NRG1: variants seen among roughly 807,000 people sequenced by gnomAD.
The protein encoded by NRG1 is pro-neuregulin-1, membrane-bound isoform.
NRG1 carries 18 observed loss-of-function variants against 63.8 expected under a neutral mutation model. That is an observed-to-expected ratio of 0.28 (90% CI 0.19 to 0.42). The LOEUF is 0.42. NRG1 is among the 10% of genes least tolerant of loss of function. The pLI, the probability that NRG1 is intolerant of heterozygous loss-of-function variation, is 1.00. For missense variants in NRG1, 762 were observed against 814.7 expected (o/e 0.94, Z 0.79); for synonymous variants, 302 against 301.3 (o/e 1.00, Z -0.02).
intron 2 of NRG1, among the ~76,000 whole-genome samples, 185 bp downstream of exon 2, chr8:32,596,190 A>G (rs1843330274): frequency 6.6e-6 from 1 of 152,222 alleles, no homozygotes; most frequent in African/African-American, 2.4e-5. Flanking sequence ...TGGTTCTTAC[A>G]TCTTATTGAT....
At chr8:31,835,088 A>G (rs1487080970) in intron 1 of NRG1, among the ~76,000 whole-genome samples, 1 of 152,232 alleles carries the variant, frequency 6.6e-6, no homozygotes, top group African/African-American at 2.4e-5. Flanking sequence ...AATGTTTAAT[A>G]GAGCATTTTT....
chr8:32,534,380 C>G (rs1831752697), intron 1 of NRG1, among the ~76,000 whole-genome samples: 1 of 152,088 alleles, frequency 6.6e-6, no homozygotes, highest in African/African-American at 2.4e-5. Flanking sequence ...CTCCTTCAAA[C>G]AGGATTAAAT....
intron 1 of NRG1, among the ~76,000 whole-genome samples, chr8:31,951,587 T>A (rs779419056): frequency 1.1e-3 from 173 of 152,352 alleles, no homozygotes; most frequent in Non-Finnish European, 2.2e-3. Context: ...AGATTTATAA[T>A]GTCAGGAGCT....
At chr8:32,336,224 T>C (rs1268401326) in intron 1 of NRG1, among the ~76,000 whole-genome samples, 7 of 152,194 alleles carry the variant, frequency 4.6e-5, no homozygotes, top group Non-Finnish European at 2.9e-5. Context: ...TTTTGTAAAT[T>C]TGTCCATCAT....
At chr8:32,080,764 CGTGTGTGTGTGTGTGTGTGT>C (rs3084557) in intron 1 of NRG1, among the ~76,000 whole-genome samples, 5 of 148,728 alleles carry the variant, frequency 3.4e-5, no homozygotes, top group African/African-American at 5.0e-5. Context: ...TGTGTGTGTG[CGTGTGTGTGTGTGTGTGTGT>C]GTGTGTGTGT....
At chr8:31,818,503 A>C (rs1823669436) in intron 1 of NRG1, among the ~76,000 whole-genome samples, 1 of 152,112 alleles carries the variant, frequency 6.6e-6, no homozygotes, top group African/African-American at 2.4e-5. Context: ...TGGTTTAGGG[A>C]TGAAACCGTT....
chr8:31,798,215 A>G (rs1821421737), intron 1 of NRG1, among the ~76,000 whole-genome samples: 1 of 152,196 alleles, frequency 6.6e-6, no homozygotes, highest in Non-Finnish European at 1.5e-5. Context: ...AAGGTTTTCA[A>G]TATTCGCAAC....
In NRG1 at chr8:32,358,368, G is replaced by GA. The variant is rs34976612; in HGVS notation, c.38-237437dup. The stretch of plus-strand genomic sequence containing the variant: ...GATCAACCGATAGAATGCCATTTAT[G>GA]AAAAAAAAAAAAAAAAAAAAAAACC... On this transcript the variant is annotated intron_variant, in intron 1 of 10. Transcript: ENST00000519301. Among the ~76,000 whole-genome samples, 691 of 98,958 alleles carry GA rather than the reference G, an allele frequency of 7.0e-3. 22 individuals are homozygous for GA. The highest frequency in any genetic ancestry group is 0.062 in the Admixed American group (547 of 8,768). The allele number at this position is 98,958 out of a possible 152,430, so 64.9% of individuals were successfully genotyped here.
At chr8:31,987,070 C>T (rs1841802) in intron 1 of NRG1, among the ~76,000 whole-genome samples, 100,092 of 151,822 alleles carry the variant, frequency 0.66, 36,300 homozygotes, top group Non-Finnish European at 0.82. Flanking sequence ...GAGGCTGAGG[C>T]GGGCAGATCA....
At chr8:32,067,661 T>C (rs1825079348) in intron 1 of NRG1, among the ~76,000 whole-genome samples, 1 of 152,152 alleles carries the variant, frequency 6.6e-6, no homozygotes, top group Admixed American at 6.6e-5. Context: ...ACCAAGCATT[T>C]GACTTTTGGA....
At chr8:32,102,862 T>C (rs970123051) in intron 1 of NRG1, among the ~76,000 whole-genome samples, 10 of 152,278 alleles carry the variant, frequency 6.6e-5, no homozygotes, top group Middle Eastern at 3.4e-3. Flanking sequence ...ACAATTACAA[T>C]GTCTTGGTGG....
intron 3 of NRG1, among the ~76,000 whole-genome samples, chr8:32,606,457 G>T (rs1198016141): frequency 2.6e-5 from 4 of 151,846 alleles, no homozygotes; most frequent in African/African-American, 9.7e-5. Flanking sequence ...TGACTTAGAG[G>T]TAAGAAATAC....
intron 1 of NRG1, among the ~76,000 whole-genome samples, chr8:32,448,656 T>C (rs778235398): frequency 5.3e-5 from 8 of 150,362 alleles, no homozygotes; most frequent in Non-Finnish European, 7.4e-5. Flanking sequence ...ACCCACATCC[T>C]ACGTCAATTA....
chr8:32,011,593 T>C (rs1159717327), intron 1 of NRG1, among the ~76,000 whole-genome samples: 2 of 152,108 alleles, frequency 1.3e-5, no homozygotes, highest in African/African-American at 4.8e-5. Context: ...TACCTTGCAA[T>C]CAAAATGGCT....
intron 1 of NRG1, among the ~76,000 whole-genome samples, chr8:32,007,027 A>G (rs1460506388): frequency 2.0e-5 from 3 of 152,064 alleles, no homozygotes; most frequent in African/African-American, 7.2e-5. Context: ...TTGATATTTC[A>G]GAGTGCCAGG....
intron 1 of NRG1, among the ~76,000 whole-genome samples, chr8:32,581,404 A>G (rs1051130843): frequency 1.3e-5 from 2 of 152,226 alleles, no homozygotes; most frequent in African/African-American, 4.8e-5. Context: ...GTTTTTACAT[A>G]AATCCTGTGC....
chr8:32,214,898 T>C (rs545425180), intron 1 of NRG1, among the ~76,000 whole-genome samples: 1 of 152,314 alleles, frequency 6.6e-6, no homozygotes, highest in South Asian at 2.1e-4. Context: ...GAAAAATGCA[T>C]GGAAATTATG....
At chr8:31,710,334 A>C (rs1254944237) in intron 1 of NRG1, among the ~76,000 whole-genome samples, 1 of 151,906 alleles carries the variant, frequency 6.6e-6, no homozygotes, top group Admixed American at 6.6e-5. Flanking sequence ...ATTTTAATAA[A>C]TATTCCATAA....
intron 1 of NRG1, among the ~76,000 whole-genome samples, chr8:32,138,949 A>C (rs1835898020): frequency 1.3e-5 from 2 of 152,170 alleles, no homozygotes; most frequent in African/African-American, 4.8e-5. Flanking sequence ...TCAGGCAGGC[A>C]CTTTTTCAAA....
Sources: allele counts gnomAD v4.1 joint callset (sites outside exome capture counted in the v4.1 genomes callset), GRCh38; gene constraint gnomAD v4.1.1; transcripts MANE v1.5; gene names NCBI Gene and HGNC (gene_info 2026-07-23, HGNC 2026-07-21).